PPP6R2: variants seen among roughly 807,000 people sequenced by gnomAD.
PPP6R2 encodes the protein serine/threonine-protein phosphatase 6 regulatory subunit 2.
In PPP6R2, 62 loss-of-function variants were observed where a neutral mutation model predicts 100.2. That is an observed-to-expected ratio of 0.62 (90% CI 0.50 to 0.76). PPP6R2 has a LOEUF of 0.76. Ranked by LOEUF, PPP6R2 falls within the 30% of genes least tolerant of loss-of-function variation. The pLI, the probability that PPP6R2 is intolerant of heterozygous loss-of-function variation, is 0.00. For missense variants in PPP6R2, 1,142 were observed against 1,276.3 expected, an observed-to-expected ratio of 0.89 and a Z score of 1.60; for synonymous variants, 525 against 514.7, an observed-to-expected ratio of 1.02 and a Z score of -0.27.
At chr22:50,418,147 A>G (rs955598798) in intron 6 of PPP6R2, among the ~76,000 whole-genome samples, 1 of 152,188 alleles carries the variant, frequency 6.6e-6, no homozygotes, top group Non-Finnish European at 1.5e-5. Context: ...ACATGGCCAC[A>G]TATTCAGCAT....
chr22:50,339,115 AGT>A (rs1569218669), upstream of PPP6R2, among the ~76,000 whole-genome samples: 1 of 79,966 alleles, frequency 1.3e-5, no homozygotes, highest in Non-Finnish European at 2.4e-5. Flanking sequence ...TGTGGTATGT[AGT>A]GTGTGTTATG....
chr22:50,352,734 CAAAAACAAAAA>C (rs961463174), intron 1 of PPP6R2, among the ~76,000 whole-genome samples: 8 of 115,474 alleles, frequency 6.9e-5, no homozygotes, highest in African/African-American at 2.8e-4. Flanking sequence ...AAAACAAAAA[CAAAAACAAAAA>C]AAAAAAACAC....
chr22:50,354,830 G>A (rs1317500895), intron 1 of PPP6R2, among the ~76,000 whole-genome samples: 3 of 150,236 alleles, frequency 2.0e-5, no homozygotes, highest in Admixed American at 1.3e-4. Context: ...AACTGGTTGT[G>A]ATCAATTAGT....
chr22:50,421,965 C>A (rs1239668775), intron 8 of PPP6R2, among the ~76,000 whole-genome samples: 1 of 151,900 alleles, frequency 6.6e-6, no homozygotes, highest in African/African-American at 2.4e-5. Flanking sequence ...AGAGCAGGAC[C>A]TCTAACTGGT....
At chr22:50,378,320 G>T (rs1315324306) in intron 2 of PPP6R2, among the ~76,000 whole-genome samples, 2 of 152,094 alleles carry the variant, frequency 1.3e-5, no homozygotes, top group Admixed American at 1.3e-4. Flanking sequence ...GGGTGCGGTG[G>T]GTCACCCTGT....
At chr22:50,389,453 G>C (rs1362091852) in intron 2 of PPP6R2, among the ~76,000 whole-genome samples, 1 of 152,108 alleles carries the variant, frequency 6.6e-6, no homozygotes, top group Admixed American at 6.6e-5. Context: ...TAAATGTTCT[G>C]GAGTCAGTTT....
the PPP6R2 span, among the ~76,000 whole-genome samples, chr22:50,334,146 C>G: frequency 6.6e-6 from 1 of 152,360 alleles, no homozygotes; most frequent in East Asian, 1.9e-4. Context: ...ATCACAGAGA[C>G]GTTTAGGCCT....
At chr22:50,403,432 G>C (rs2058361573) in intron 3 of PPP6R2, among the ~76,000 whole-genome samples, 1 of 152,160 alleles carries the variant, frequency 6.6e-6, no homozygotes, top group Non-Finnish European at 1.5e-5. Context: ...CTGCTCTCTG[G>C]TCCTCCTGCC....
intron 1 of PPP6R2, 70 bp downstream of exon 1, chr22:50,343,620 GAGTC>G (rs2042684586): frequency 9.6e-6 from 1 of 104,542 alleles, no homozygotes; most frequent in Non-Finnish European, 1.9e-5. Context: ...ACTTCTCCCC[GAGTC>G]AGTCAGTGCC....
intron 1 of PPP6R2, among the ~76,000 whole-genome samples, chr22:50,366,053 T>C (rs894887864): frequency 6.6e-6 from 1 of 152,186 alleles, no homozygotes; most frequent in Non-Finnish European, 1.5e-5. Flanking sequence ...CTGAGCATTT[T>C]TGTGTTCCTA....
At chr22:50,379,026 A>G (rs964177383) in intron 2 of PPP6R2, among the ~76,000 whole-genome samples, 2 of 152,218 alleles carry the variant, frequency 1.3e-5, no homozygotes, top group African/African-American at 2.4e-5. Context: ...TGGAGGCACC[A>G]TCTGTGAAAA....
At chr22:50,348,986 G>A (rs1208017982) in intron 1 of PPP6R2, among the ~76,000 whole-genome samples, 15 of 151,834 alleles carry the variant, frequency 9.9e-5, no homozygotes, top group African/African-American at 2.9e-4. Context: ...GAGGTCAGGA[G>A]TTCGAGACCA....
intron 15 of PPP6R2, 128 bp downstream of exon 15, chr22:50,437,196 A>C: frequency 1.0e-6 from 1 of 959,710 alleles, no homozygotes; most frequent in Middle Eastern, 3.2e-4. Flanking sequence ...GTCTCCGAGC[A>C]CGTATGGGGC....
rs2058397884 is a variant in PPP6R2 at position 50,403,675 on chromosome 22, A to G, written c.228-3014A>G. Among the ~76,000 whole-genome samples the G allele has an allele frequency of 3.3e-5, 5 of 151,720 alleles. No homozygotes were observed. The South Asian group carries it at 8.3e-4, about 25-fold the overall frequency. On this transcript the variant is annotated intron_variant, in intron 3 of 23. Coordinates refer to ENST00000612753, the MANE Select transcript of PPP6R2 (RefSeq NM_001242898.2). ...TGCCCCTGTGCCCTGACCCTACTCC[A>G]TCGGGCCCCAGCCAGGTCCTCTCTC...
chr22:50,439,375 C>T (rs1484793842), intron 19 of PPP6R2, among the ~76,000 whole-genome samples: 1 of 152,146 alleles, frequency 6.6e-6, no homozygotes, highest in African/African-American at 2.4e-5. Context: ...GCTGCCGGCT[C>T]TGTGGGTTGC....
chr22:50,372,503 C>T (rs8136302), intron 2 of PPP6R2, among the ~76,000 whole-genome samples: 145 of 151,440 alleles, frequency 9.6e-4, no homozygotes, highest in African/African-American at 3.3e-3. Context: ...GAGCCGAGAT[C>T]GTGTCACTGT....
intron 22 of PPP6R2, chr22:50,443,084 G>C (rs1410923749): frequency 6.6e-6 from 1 of 152,082 alleles, no homozygotes; most frequent in East Asian, 2.0e-4. Flanking sequence ...AGAATCGCTT[G>C]AACCAGTGAG....
In PPP6R2 at chr22:50,438,671, G is replaced by C. The variant is rs558154461; in HGVS notation, c.2037G>C (p.Ala679=). ...GPERGGQDGK[A]SLEAHRDAPG... ...AGCGTGGAGGCCAGGATGGGAAGGC[G>C]AGCTTGGAAGCACACAGAGATGCAC... is the stretch of plus-strand genomic sequence containing the variant. The change falls in exon 19 of 24, where the codon GCG becomes GCC. Residue 679 remains alanine (A), a synonymous_variant. Coordinates refer to ENST00000612753, the MANE Select transcript of PPP6R2 (RefSeq NM_001242898.2). 3 of 1,613,956 alleles carry C rather than the reference G, an allele frequency of 1.9e-6. No homozygotes were observed. The highest frequency in any genetic ancestry group is 1.7e-6 in the Non-Finnish European group (2 of 1,179,982).
At chr22:50,347,833 C>T (rs2044133710) in intron 1 of PPP6R2, among the ~76,000 whole-genome samples, 2 of 152,168 alleles carry the variant, frequency 1.3e-5, no homozygotes, top group African/African-American at 4.8e-5. Context: ...GTTCACTGTT[C>T]ACTGAAAGAG....
Sources: allele counts gnomAD v4.1 joint callset (sites outside exome capture counted in the v4.1 genomes callset), GRCh38; gene constraint gnomAD v4.1.1; transcripts MANE v1.5; gene names NCBI Gene and HGNC (gene_info 2026-07-23, HGNC 2026-07-21).